Variants in PARD3 observed in about 807,000 individuals in gnomAD.
The protein encoded by PARD3 is partitioning defective 3 homolog.
In PARD3, 75 loss-of-function variants were observed where a neutral mutation model predicts 155.4. The ratio of observed to expected loss-of-function variants is 0.48; its 90% confidence interval spans 0.40 to 0.58. PARD3 has a LOEUF of 0.58. Ranked by LOEUF, PARD3 falls within the 20% of genes least tolerant of loss-of-function variation. PARD3 has a pLI of 0.00. For synonymous variants in PARD3, 576 were observed against 610.5 expected (o/e 0.94, Z 0.83); for missense variants, 1,642 against 1,721.7 (o/e 0.95, Z 0.82).
intron 1 of PARD3, among the ~76,000 whole-genome samples, chr10:34,799,241 C>T (rs1842622304): frequency 6.6e-6 from 1 of 152,250 alleles, no homozygotes; most frequent in Admixed American, 6.5e-5. Context: ...GGGGTTTCAC[C>T]ATGTTGGCCA....
intron 1 of PARD3, among the ~76,000 whole-genome samples, chr10:34,770,208 CCTT>C (rs1286273001): frequency 6.6e-6 from 1 of 152,224 alleles, no homozygotes; most frequent in African/African-American, 2.4e-5. Flanking sequence ...ACACATCTGT[CCTT>C]CTATGAAGAT....
intron 2 of PARD3, among the ~76,000 whole-genome samples, chr10:34,654,158 C>A (rs979363888): frequency 1.3e-5 from 2 of 149,670 alleles, no homozygotes; most frequent in Admixed American, 6.6e-5. Flanking sequence ...ACATTTGGTG[C>A]CAGTAAAACT....
In PARD3 at chr10:34,163,613, G is replaced by C. The variant is rs977452019; in HGVS notation, c.3420-32030C>G. ...AAAGGCCCTAATAATAAATATTTTT[G>C]GCCTTGTGGGTCAGTCTGTTGCAAC... is the stretch of plus-strand genomic sequence containing the variant. On this transcript the variant is annotated intron_variant, in intron 22 of 24. Transcript: ENST00000374788. 2.0e-5 allele frequency among the ~76,000 whole-genome samples: 3 copies of C among 152,116 alleles called. No homozygotes were observed. The East Asian group carries it at 5.8e-4, about 29-fold the overall frequency.
intron 22 of PARD3, among the ~76,000 whole-genome samples, chr10:34,220,271 G>C (rs755280539): frequency 5.3e-5 from 8 of 152,072 alleles, no homozygotes; most frequent in African/African-American, 1.9e-4. Flanking sequence ...AGAGACGATA[G>C]GGAGTGACAT....
chr10:34,471,384 T>C (rs1372920643), intron 3 of PARD3, among the ~76,000 whole-genome samples: 1 of 151,944 alleles, frequency 6.6e-6, no homozygotes, highest in Non-Finnish European at 1.5e-5. Context: ...AAATGCAAAG[T>C]GAAGAAGAAA....
intron 2 of PARD3, among the ~76,000 whole-genome samples, chr10:34,643,816 C>G (rs969985609): frequency 1.3e-5 from 2 of 148,166 alleles, no homozygotes; most frequent in African/African-American, 5.3e-5. Context: ...ACTTGGGAGG[C>G]TGAGGTGGGA....
At chr10:34,115,336 G>A (rs1486909332) in intron 24 of PARD3, among the ~76,000 whole-genome samples, 2 of 151,972 alleles carry the variant, frequency 1.3e-5, no homozygotes, top group Non-Finnish European at 2.9e-5. Flanking sequence ...AAAATGAAGG[G>A]AAACACCAAA....
At chr10:34,319,597 A>ATACT (rs1958252530) in intron 19 of PARD3, among the ~76,000 whole-genome samples, 2 of 152,374 alleles carry the variant, frequency 1.3e-5, no homozygotes, top group South Asian at 4.1e-4. Flanking sequence ...CTTACAAATA[A>ATACT]TACTGAGTTC....
At chr10:34,553,114 C>T (rs1409578714) in intron 2 of PARD3, among the ~76,000 whole-genome samples, 3 of 152,238 alleles carry the variant, frequency 2.0e-5, no homozygotes, top group South Asian at 2.1e-4. Context: ...CTTAGCAGAA[C>T]GGAGGTTAAT....
rs756481270 is a variant in PARD3 at position 34,130,317 on chromosome 10, C to T, written c.3540+1146G>A. On this transcript the variant is annotated intron_variant, in intron 23 of 24. Transcript: ENST00000374788. ...CCACCTGGACCACACGATGCTTCCCCAGTATCCTTGGTAGGACTCCAGCAC... is the reference window on the plus strand; with the variant it reads ...CCACCTGGACCACACGATGCTTCCCTAGTATCCTTGGTAGGACTCCAGCAC... Among the ~76,000 whole-genome samples, 21 of 152,266 alleles carry T rather than the reference C, an allele frequency of 1.4e-4. 1 individual carries two copies. The highest frequency in any genetic ancestry group is 2.6e-4 in the Non-Finnish European group (18 of 68,024).
chr10:34,271,774 T>C (rs942364821), intron 21 of PARD3, among the ~76,000 whole-genome samples: 1 of 152,160 alleles, frequency 6.6e-6, no homozygotes. Flanking sequence ...AATGACATGA[T>C]GATCTACAAA....
intron 1 of PARD3, 85 bp from the exon 2 acceptor site, chr10:34,696,504 G>T: frequency 1.2e-6 from 1 of 854,374 alleles, no homozygotes; most frequent in Non-Finnish European, 2.0e-6. Context: ...ATAACTTCCT[G>T]CCCATAAAAA....
chr10:34,720,323 T>C (rs764837516), intron 1 of PARD3, among the ~76,000 whole-genome samples: 20 of 151,934 alleles, frequency 1.3e-4, no homozygotes, highest in Non-Finnish European at 2.4e-4. Context: ...TAATCTCAGC[T>C]ACTTGGGAGG....
chr10:34,769,478 T>C (rs1250412851), intron 1 of PARD3, among the ~76,000 whole-genome samples: 3 of 152,202 alleles, frequency 2.0e-5, no homozygotes, highest in East Asian at 1.9e-4. Context: ...TGTAATTTTT[T>C]TTTTCTTTGT....
intron 2 of PARD3, among the ~76,000 whole-genome samples, chr10:34,652,068 G>A (rs1224235637): frequency 6.6e-6 from 1 of 152,156 alleles, no homozygotes; most frequent in Non-Finnish European, 1.5e-5. Context: ...CAAGCAAGCT[G>A]GCTGGAATTT....
At chr10:34,382,390 A>G in intron 9 of PARD3, 150 bp downstream of exon 9, 1 of 728,198 alleles carries the variant, frequency 1.4e-6, no homozygotes. Context: ...GTAACTTTAA[A>G]AAATCTATCA....
chr10:34,176,207 C>A (rs1328618309), intron 22 of PARD3, among the ~76,000 whole-genome samples: 2 of 151,964 alleles, frequency 1.3e-5, no homozygotes, highest in African/African-American at 2.4e-5. Flanking sequence ...CGTATTAGAG[C>A]CAAGAAAATG....
intron 2 of PARD3, among the ~76,000 whole-genome samples, chr10:34,574,303 C>T (rs2086715197): frequency 6.6e-6 from 1 of 152,166 alleles, no homozygotes; most frequent in Admixed American, 6.5e-5. Flanking sequence ...TTCCCAAACT[C>T]CTCCCTTGAA....
At chr10:34,662,820 T>G (rs2093355715) in intron 2 of PARD3, among the ~76,000 whole-genome samples, 2 of 147,232 alleles carry the variant, frequency 1.4e-5, no homozygotes, top group South Asian at 4.3e-4. Flanking sequence ...TGCAGTGAGG[T>G]GAGATAGTGC....
Sources: gnomAD v4.1 joint callset for allele counts (sites outside exome capture counted in the v4.1 genomes callset) on GRCh38, gnomAD v4.1.1 for gene constraint, MANE v1.5 for transcripts, NCBI Gene and HGNC (gene_info 2026-07-23, HGNC 2026-07-21) for gene names.